Variants in TEX26 observed in about 807,000 individuals in gnomAD.
TEX26 encodes testis-expressed protein 26.
A neutral mutation model predicts 35.3 loss-of-function variants in TEX26; 34 were observed. The ratio of observed to expected loss-of-function variants is 0.96; its 90% confidence interval spans 0.73 to 1.28. The LOEUF is 1.28. Ranked by LOEUF, TEX26 falls within the 50% of genes most tolerant of loss-of-function variation. The pLI, the probability that TEX26 is intolerant of heterozygous loss-of-function variation, is 0.00. For missense variants in TEX26, 371 were observed against 330.1 expected (o/e 1.12, Z -0.96); for synonymous variants, 136 against 111.8 (o/e 1.22, Z -1.36).
intron 6 of TEX26, among the ~76,000 whole-genome samples, chr13:30,969,529 C>G (rs888515756): frequency 6.6e-6 from 1 of 152,172 alleles, no homozygotes; most frequent in Non-Finnish European, 1.5e-5. Flanking sequence ...CTCCACATGA[C>G]AAAAGACTTA....
intron 4 of TEX26, among the ~76,000 whole-genome samples, chr13:30,957,860 G>A (rs1468251585): frequency 6.6e-6 from 1 of 152,254 alleles, no homozygotes; most frequent in Non-Finnish European, 1.5e-5. Flanking sequence ...ATAGGGATGA[G>A]TGACTGACAG....
chr13:30,943,125 C>CATCCATGG (rs1224122033), intron 2 of TEX26, among the ~76,000 whole-genome samples: 6 of 151,966 alleles, frequency 3.9e-5, no homozygotes, highest in Admixed American at 3.9e-4. Flanking sequence ...CCATGAAACA[C>CATCCATGG]ATCCATGGGA....
intron 2 of TEX26, among the ~76,000 whole-genome samples, chr13:30,943,191 C>T (rs972920486): frequency 5.3e-5 from 8 of 151,982 alleles, no homozygotes; most frequent in African/African-American, 1.4e-4. Flanking sequence ...TTGTAGCTCT[C>T]CTTGTAGAGA....
intron 6 of TEX26, among the ~76,000 whole-genome samples, chr13:30,974,131 A>AAAAT: frequency 0.012 from 975 of 84,336 alleles, 25 homozygotes; most frequent in African/African-American, 0.041. Context: ...AAAAAAAAAA[A>AAAAT]ATATATATAT....
rs567701017 is a variant in TEX26, at chr13:30,975,004, C to T, written c.*97C>T. On this transcript the variant is annotated 3_prime_UTR_variant, in exon 7 of 7. Coordinates refer to ENST00000380473, the MANE Select transcript of TEX26 (RefSeq NM_152325.3). The stretch of plus-strand genomic sequence containing the variant: ...TCAATTATCAAGGAAAAATAAGATG[C>T]AAATAGCTTCAAGTATGATGTGATA... 2.6e-6 allele frequency: 2 copies of T among 772,466 alleles called. No individual in the cohort carries two copies. The highest frequency in any genetic ancestry group is 3.6e-5 in the African/African-American group (2 of 55,062). The allele number at this position is 772,466 out of a possible 1,614,324, so 47.9% of individuals were successfully genotyped here.
rs577980311 is a variant in TEX26, at chr13:30,964,191, C to T, written c.470-2031C>T. Among the ~76,000 whole-genome samples, 6 of 152,320 alleles carry T rather than the reference C, an allele frequency of 3.9e-5. No individual in the cohort carries two copies. The East Asian group carries it at 7.7e-4, about 20-fold the overall frequency. ...TAGCACCCTATTCAAAGCTCTGAGT[C>T]GTATTTCTTAAGCACATGGGCGGTT... On this transcript the variant is annotated intron_variant, in intron 4 of 6. Transcript: ENST00000380473.
chr13:30,933,875 A>G (rs1051867105), intron 1 of TEX26: 4 of 152,108 alleles, frequency 2.6e-5, no homozygotes, highest in African/African-American at 9.7e-5. Flanking sequence ...CCCAGGATTG[A>G]TCCTTCTAGG....
chr13:30,957,964 G>T (rs1954200288), intron 4 of TEX26, among the ~76,000 whole-genome samples: 1 of 152,178 alleles, frequency 6.6e-6, no homozygotes, highest in Admixed American at 6.5e-5. Flanking sequence ...AACCATGAGA[G>T]GATGAAGTGA....
chr13:30,952,879 T>A, intron 3 of TEX26, 54 bp downstream of exon 3: 2 of 1,455,748 alleles, frequency 1.4e-6, no homozygotes, highest in South Asian at 2.6e-5. Context: ...TATCAACAAC[T>A]CATAAGAATG....
At chr13:30,945,439 A>T (rs1479863877) in intron 2 of TEX26, among the ~76,000 whole-genome samples, 1 of 151,730 alleles carries the variant, frequency 6.6e-6, no homozygotes, top group African/African-American at 2.4e-5. Flanking sequence ...TATTTAGGCC[A>T]TTTATGTTCA....
chr13:30,971,681 TGAG>T (rs1286347017), intron 6 of TEX26, among the ~76,000 whole-genome samples: 1 of 152,230 alleles, frequency 6.6e-6, no homozygotes, highest in African/African-American at 2.4e-5. Flanking sequence ...ATTTATAACT[TGAG>T]GAGGTTGAAC....
At chr13:30,964,309 A>T (rs1014325645) in intron 4 of TEX26, among the ~76,000 whole-genome samples, 2 of 152,196 alleles carry the variant, frequency 1.3e-5, no homozygotes. Flanking sequence ...GACCCTTCCC[A>T]GGTGATTCTG....
At chr13:30,950,476 A>C (rs1184423566) in intron 2 of TEX26, among the ~76,000 whole-genome samples, 1 of 152,206 alleles carries the variant, frequency 6.6e-6, no homozygotes, top group African/African-American at 2.4e-5. Context: ...CTTTCCAGCT[A>C]ATGGTATGTC....
chr13:30,953,442 A>G (rs1954005964), intron 3 of TEX26, among the ~76,000 whole-genome samples: 1 of 152,236 alleles, frequency 6.6e-6, no homozygotes, highest in Admixed American at 6.5e-5. Context: ...TCTTTGTCAC[A>G]GTTGAATAAT....
chr13:30,947,819 G>A (rs34326288), intron 2 of TEX26, among the ~76,000 whole-genome samples: 18,241 of 151,784 alleles, frequency 0.12, 1,368 homozygotes, highest in South Asian at 0.23. Flanking sequence ...TACATGTGCC[G>A]TGTTGGTGTG....
Position 30,969,021 on chromosome 13 carries a change from G to T in TEX26, c.783G>T (p.Glu261Asp). The change falls in exon 6 of 7, where the codon GAG becomes GAT. Residue 261 changes from glutamate (E) to aspartate (D), a missense_variant. By Grantham distance (45) the Glu-to-Asp change is conservative (BLOSUM62 2). Coordinates refer to ENST00000380473, the MANE Select transcript of TEX26 (RefSeq NM_152325.3). ...CATTTACTTCCTCTCAAGTCAAAGA[G>T]TACCTTCAGAGTCTTTCCTACAAAG... ...LNSFTSSQVK[E>D]YLQSLSYKDR... 1 of 1,613,892 alleles carries T rather than the reference G, an allele frequency of 6.2e-7. No homozygotes were observed. Among genetic ancestry groups the T allele is most frequent in the East Asian group, 2.2e-5 (1 of 44,874 alleles).
At chr13:30,962,060 G>A (rs1282938470) in intron 4 of TEX26, among the ~76,000 whole-genome samples, 2 of 152,052 alleles carry the variant, frequency 1.3e-5, no homozygotes, top group African/African-American at 2.4e-5. Context: ...CCCGGCAGCC[G>A]ATCTTCCTGC....
intron 3 of TEX26, 96 bp from the exon 4 acceptor site, chr13:30,956,777 G>A: frequency 1.7e-6 from 2 of 1,164,820 alleles, no homozygotes; most frequent in Non-Finnish European, 2.5e-6. Flanking sequence ...TGGTTGTAAA[G>A]GATTCTGAAG....
rs1954205962 is a variant in TEX26, at chr13:30,958,136, C to A, written c.469+1107C>A. Among the ~76,000 whole-genome samples the A allele has an allele frequency of 2.0e-5, 3 of 152,304 alleles. No individual in the cohort carries two copies. In the South Asian group the frequency reaches 6.2e-4, roughly 32 times the overall value. ...GCTTCACCTGGCTCTGCCCTTAGGG[C>A]TCTGTGGCTGGGAACACCTTTGACT... On this transcript the variant is annotated intron_variant, in intron 4 of 6. Coordinates refer to ENST00000380473, the MANE Select transcript of TEX26 (RefSeq NM_152325.3).
Sources: gnomAD v4.1 joint callset for allele counts (sites outside exome capture counted in the v4.1 genomes callset) on GRCh38, gnomAD v4.1.1 for gene constraint, MANE v1.5 for transcripts, NCBI Gene and HGNC (gene_info 2026-07-23, HGNC 2026-07-21) for gene names.